Variants in PTGIS observed in about 807,000 individuals in gnomAD.
The protein encoded by PTGIS is prostacyclin synthase.
Under a neutral mutation model 50.3 loss-of-function variants are expected in PTGIS, and 45 were observed. The ratio of observed to expected loss-of-function variants is 0.90; its 90% confidence interval spans 0.70 to 1.15. The LOEUF (loss-of-function observed/expected upper bound fraction) is 1.15. PTGIS is among the 50% of genes most tolerant of loss of function. The pLI is 0.00. For missense variants in PTGIS, 668 were observed against 661.3 expected, an observed-to-expected ratio of 1.01 and a Z score of -0.11; for synonymous variants, 260 against 267.7, an observed-to-expected ratio of 0.97 and a Z score of 0.28.
intron 5 of PTGIS, among the ~76,000 whole-genome samples, chr20:49,530,683 A>C (rs186206033): frequency 1.3e-5 from 2 of 152,270 alleles, no homozygotes; most frequent in East Asian, 3.9e-4. Flanking sequence ...ACACCTTTTC[A>C]TACCTGTTGC....
chr20:49,530,723 C>T (rs1030877022), intron 5 of PTGIS, among the ~76,000 whole-genome samples: 1 of 152,038 alleles, frequency 6.6e-6, no homozygotes, highest in African/African-American at 2.4e-5. Flanking sequence ...GGAAAAATGC[C>T]TATTCTGGTC....
Position 49,511,059 on chromosome 20 carries a change from C to T in PTGIS, c.1327G>A (p.Gly443Arg), listed in dbSNP as rs1220672117. The T allele has an allele frequency of 1.2e-6, 2 of 1,613,960 alleles. No individual in the cohort carries two copies. The highest frequency in any genetic ancestry group is 2.2e-5 in the East Asian group (1 of 44,886). ...ATGCTGTTGACCGCATAACTCCTCC[C>T]CAGGCAGTGATTGTGCCCCGCCCCC... The part of the protein sequence containing the change: ...PWGAGHNHCL[G>R]RSYAVNSIKQ... The change falls in exon 9 of 10, where the codon GGG becomes AGG. Residue 443 changes from glycine to arginine, a missense_variant. Physicochemically the swap from Gly to Arg is moderately radical, Grantham distance 125 (BLOSUM62 -2). Coordinates refer to ENST00000244043, the MANE Select transcript of PTGIS (RefSeq NM_000961.4).
intron 5 of PTGIS, among the ~76,000 whole-genome samples, chr20:49,536,478 C>CTTTTTTT (rs761478359): frequency 1.6e-4 from 17 of 108,660 alleles, no homozygotes; most frequent in Non-Finnish European, 2.2e-4. Flanking sequence ...TTCTTTCTTT[C>CTTTTTTT]TTTTTTTTTT....
chr20:49,538,461 A>C (rs1224791175), intron 5 of PTGIS, among the ~76,000 whole-genome samples: 2 of 152,038 alleles, frequency 1.3e-5, no homozygotes, highest in African/African-American at 4.8e-5. Context: ...GATCCATACA[A>C]CAACCTGGAT....
chr20:49,514,912 G>C (rs370668926), intron 6 of PTGIS, among the ~76,000 whole-genome samples: 18 of 152,154 alleles, frequency 1.2e-4, no homozygotes, highest in African/African-American at 4.3e-4. Context: ...GCCACTCTAC[G>C]CCTAAGCCGC....
rs1324211890 is a variant in PTGIS, at chr20:49,507,710, G to C, written c.*210C>G. 3.0e-6 allele frequency: 2 copies of C among 671,864 alleles called. No individual in the cohort carries two copies. Among genetic ancestry groups the C allele is most frequent in the Non-Finnish European group, 5.0e-6 (2 of 400,510 alleles). The allele number at this position is 671,864 out of a possible 1,614,324, so 41.6% of individuals were successfully genotyped here. A position where few individuals can be genotyped will look rare whatever the true frequency, so the allele number is the denominator to read the frequency against. On this transcript the variant is annotated 3_prime_UTR_variant, in exon 10 of 10. Transcript: ENST00000244043. ...CTGATTTTGGAAAGAAAACTTTGCA[G>C]TGGATAATCCATAGAGCTTTCAATG...
At chr20:49,509,771 G>A (rs1453455009) in intron 9 of PTGIS, among the ~76,000 whole-genome samples, 1 of 151,356 alleles carries the variant, frequency 6.6e-6, no homozygotes, top group Non-Finnish European at 1.5e-5. Flanking sequence ...TTTTTTACTG[G>A]GTTCTTCTCT....
At chr20:49,513,908 G>A (rs1568668981) in intron 7 of PTGIS, among the ~76,000 whole-genome samples, 1 of 152,226 alleles carries the variant, frequency 6.6e-6, no homozygotes, top group Non-Finnish European at 1.5e-5. Flanking sequence ...GAGGTGGAGA[G>A]GAACTGAGTA....
At chr20:49,508,737 A>G (rs188458651) in intron 9 of PTGIS, among the ~76,000 whole-genome samples, 78 of 152,312 alleles carry the variant, frequency 5.1e-4, no homozygotes, top group Admixed American at 1.2e-3. Context: ...AAATAGACCA[A>G]CTTTGCAAGA....
At chr20:49,512,599 A>C (rs1485642666) in intron 8 of PTGIS, among the ~76,000 whole-genome samples, 1 of 152,226 alleles carries the variant, frequency 6.6e-6, no homozygotes, top group Admixed American at 6.5e-5. Context: ...AGCAATTGTG[A>C]AAGTTTACTT....
At chr20:49,547,039 C>G (rs1284655019) in intron 3 of PTGIS, among the ~76,000 whole-genome samples, 1 of 152,166 alleles carries the variant, frequency 6.6e-6, no homozygotes, top group African/African-American at 2.4e-5. Context: ...CGAGACCTGC[C>G]TGGACAACAT....
In PTGIS at chr20:49,514,224, C is replaced by T. The variant is rs758842820; in HGVS notation, c.1024+3G>A. On this transcript the variant is annotated splice_donor_region_variant and intron_variant, in intron 7 of 9. Coordinates refer to ENST00000244043, the MANE Select transcript of PTGIS (RefSeq NM_000961.4). The stretch of plus-strand genomic sequence containing the variant: ...GCTATCTTGGAGGGTCTGACGATCT[C>T]ACCAAGCACAGGTGTGCTGTCTAGA... 2 of 1,613,616 alleles carry T rather than the reference C, an allele frequency of 1.2e-6. No homozygotes were observed. The highest frequency in any genetic ancestry group is 4.5e-5 in the East Asian group (2 of 44,884).
chr20:49,513,050 C>T (rs374215543), intron 8 of PTGIS, 30 bp downstream of exon 8: 16 of 1,613,294 alleles, frequency 9.9e-6, no homozygotes, highest in Admixed American at 1.7e-5. Context: ...TCCCACAGAC[C>T]CCATATGACC....
At chr20:49,526,857 C>A (rs1365241327) in intron 5 of PTGIS, among the ~76,000 whole-genome samples, 1 of 152,128 alleles carries the variant, frequency 6.6e-6, no homozygotes, top group Non-Finnish European at 1.5e-5. Context: ...GAAATTGGAA[C>A]CCTTATGCAT....
Position 49,564,759 on chromosome 20 carries a change from C to T in PTGIS, c.74+3284G>A, listed in dbSNP as rs201580760. 2.0e-5 allele frequency among the ~76,000 whole-genome samples: 3 copies of T among 152,128 alleles called. No homozygotes were observed. In the East Asian group the frequency reaches 5.8e-4, roughly 29 times the overall value. ...GGGATAAGCATGAATTTTGGAGGGG[C>T]CTAGATGTGGAGTATAATTTTTGTA... On this transcript the variant is annotated intron_variant, in intron 1 of 9. Transcript: ENST00000244043.
chr20:49,545,150 A>C (rs1246016198), intron 3 of PTGIS, among the ~76,000 whole-genome samples: 1 of 152,192 alleles, frequency 6.6e-6, no homozygotes, highest in Non-Finnish European at 1.5e-5. Context: ...TCACACCTGT[A>C]GTCTCAGCTA....
intron 6 of PTGIS, 131 bp downstream of exon 6, chr20:49,523,927 A>T: frequency 8.7e-7 from 1 of 1,148,418 alleles, no homozygotes; most frequent in Non-Finnish European, 1.3e-6. Flanking sequence ...ATGCACACCT[A>T]CATACACATG....
In PTGIS at chr20:49,551,822, G is replaced by A. The variant is rs556650014; in HGVS notation, c.75-1633C>T. Among the ~76,000 whole-genome samples the A allele has an allele frequency of 3.8e-3, 533 of 140,408 alleles. 4 individuals carry two copies. The highest frequency in any genetic ancestry group is 0.016 in the African/African-American group (507 of 31,530). The allele number at this position is 140,408 out of a possible 152,430, so 92.1% of individuals were successfully genotyped here. ...TGTATGTGTTTGTGTGTGTGTGTGT[G>A]TGTGTGTGTGTGTGTGTGTGTGTAT... On this transcript the variant is annotated intron_variant, in intron 1 of 9. Coordinates refer to ENST00000244043, the MANE Select transcript of PTGIS (RefSeq NM_000961.4).
rs776091641 is a variant in PTGIS, at chr20:49,524,107, G to A, written c.806C>T (p.Ser269Leu). The change falls in exon 6 of 10, where the codon TCA becomes TTA. Residue 269 changes from serine to leucine, a missense_variant. Physicochemically the swap from Ser to Leu is moderately radical, Grantham distance 145. Coordinates refer to ENST00000244043, the MANE Select transcript of PTGIS (RefSeq NM_000961.4). ...CAGGGCCCGTGCCTGCATCTCCTCTGACACACCCATCTCCTCCAGGTGCAG... is the reference window on the plus strand; with the variant it reads ...CAGGGCCCGTGCCTGCATCTCCTCTAACACACCCATCTCCTCCAGGTGCAG... ...YLLHLEEMGVSEEMQARALVL... is the reference protein window; with the variant it reads ...YLLHLEEMGVLEEMQARALVL... The A allele has an allele frequency of 2.5e-6, 4 of 1,614,188 alleles. No individual in the cohort carries two copies. The highest frequency in any genetic ancestry group is 3.4e-6 in the Non-Finnish European group (4 of 1,180,038).
Sources: allele counts gnomAD v4.1 joint callset (sites outside exome capture counted in the v4.1 genomes callset), GRCh38; gene constraint gnomAD v4.1.1; transcripts MANE v1.5; gene names NCBI Gene and HGNC (gene_info 2026-07-23, HGNC 2026-07-21).